The following KRT71 variants were observed in gnomAD, a reference collection of about 807,000 sequenced individuals.
KRT71 encodes keratin, type II cytoskeletal 71.
KRT71 carries 42 observed loss-of-function variants against 46.2 expected under a neutral mutation model. The ratio of observed to expected loss-of-function variants is 0.91; its 90% confidence interval spans 0.71 to 1.18. The LOEUF (loss-of-function observed/expected upper bound fraction) is 1.18. KRT71 is among the 50% of genes most tolerant of loss of function. The pLI is 0.00. For synonymous variants in KRT71, 292 were observed against 277.8 expected, an observed-to-expected ratio of 1.05 and a Z score of -0.51; for missense variants, 708 against 677.9, an observed-to-expected ratio of 1.04 and a Z score of -0.49.
chr12:52,545,013 G>A (rs1939036118), intron 8 of KRT71, among the ~76,000 whole-genome samples: 1 of 152,056 alleles, frequency 6.6e-6, no homozygotes, highest in Non-Finnish European at 1.5e-5. Flanking sequence ...CTGTCCTCCT[G>A]GACACCCACC....
At position 52,551,785 on chromosome 12, in the gene KRT71, T is replaced by C. The variant is rs79733502; in HGVS notation, c.441+852A>G. On this transcript the variant is annotated intron_variant, in intron 1 of 8. Coordinates refer to ENST00000267119, the MANE Select transcript of KRT71 (RefSeq NM_033448.3). ...TTACCTCCATGCCTTCAGTGACTCATACGATAGGGATAATCATTTCTTCTC... is the reference window on the plus strand; with the variant it reads ...TTACCTCCATGCCTTCAGTGACTCACACGATAGGGATAATCATTTCTTCTC... 1.5e-3 allele frequency among the ~76,000 whole-genome samples: 229 copies of C among 152,290 alleles called. 1 individual carries two copies. Among genetic ancestry groups the C allele is most frequent in the African/African-American group, 5.2e-3 (218 of 41,564 alleles).
rs201960634 is a variant in KRT71 at position 52,549,372 on chromosome 12, C to G, written c.657-19G>C. On this transcript the variant is annotated intron_variant, in intron 2 of 8. Coordinates refer to ENST00000267119, the MANE Select transcript of KRT71 (RefSeq NM_033448.3). ...CTCATACCTGTGGGAATGGCGAGGG[C>G]TCATTGGTTAATATCTCACTGAAAG... 146 of 1,604,986 alleles carry G rather than the reference C, an allele frequency of 9.1e-5. No individual in the cohort carries two copies. Among genetic ancestry groups the G allele is most frequent in the Middle Eastern group, 1.6e-4 (1 of 6,062 alleles).
intron 4 of KRT71, 42 bp from the exon 5 acceptor site, chr12:52,548,358 C>G: frequency 6.4e-7 from 1 of 1,569,434 alleles, no homozygotes; most frequent in Admixed American, 1.8e-5. Context: ...CAACTGCTGT[C>G]GGAAGCCAAC....
rs140706935 is a variant in KRT71, at chr12:52,546,413, C to T, written c.1198G>A (p.Ala400Thr). The T allele has an allele frequency of 1.9e-4, 300 of 1,614,088 alleles. 1 individual carries two copies. The highest frequency in any genetic ancestry group is 1.1e-4 in the Non-Finnish European group (125 of 1,180,046). The change falls in exon 7 of 9, where the codon GCC (alanine) becomes ACC (threonine). Residue 400 changes from alanine (A) to threonine (T), a missense_variant. Coordinates refer to ENST00000267119, the MANE Select transcript of KRT71 (RefSeq NM_033448.3). ...AGCTCCTCCTTGGCCTGGTGCAGGG[C>T]GCCCTCCAGCTCGTCCAGCTTGGCC... ...ARAKLDELEGALHQAKEELAR... is the reference protein window; with the variant it reads ...ARAKLDELEGTLHQAKEELAR...
Position 52,552,851 on chromosome 12 carries a change from G to T in KRT71, c.227C>A (p.Ala76Asp). Reference protein sequence around the residue: ...SGGYGFGRGRASGFAGSMFGS... With the variant: ...SGGYGFGRGRDSGFAGSMFGS... ...AAACATGCTTCCAGCAAAGCCACTG[G>T]CCCGGCCCCGGCCAAATCCATAGCC... The change falls in exon 1 of 9, where the codon GCC (alanine) becomes GAC (aspartate). Residue 76 changes from alanine to aspartate, a missense_variant. Transcript: ENST00000267119. 3 of 1,614,202 alleles carry T rather than the reference G, an allele frequency of 1.9e-6. No homozygotes were observed. Among genetic ancestry groups the T allele is most frequent in the South Asian group, 2.2e-5 (2 of 91,088 alleles).
chr12:52,550,331 C>A, intron 1 of KRT71, 88 bp from the exon 2 acceptor site: 2 of 1,476,552 alleles, frequency 1.4e-6, no homozygotes, highest in South Asian at 2.5e-5. Flanking sequence ...CTTCTATCTG[C>A]ATTTTCTCCT....
chr12:52,549,083 A>G (rs923063550), intron 3 of KRT71, among the ~76,000 whole-genome samples: 1 of 152,126 alleles, frequency 6.6e-6, no homozygotes, highest in Non-Finnish European at 1.5e-5. Context: ...CCACAGCTGC[A>G]TTGGACATGC....
rs1442392796 is a variant in KRT71, at chr12:52,549,370, G to A, written c.657-17C>T. ...TCCTCATACCTGTGGGAATGGCGAG[G>A]GCTCATTGGTTAATATCTCACTGAA... On this transcript the variant is annotated splice_polypyrimidine_tract_variant and intron_variant, in intron 2 of 8. Coordinates refer to ENST00000267119, the MANE Select transcript of KRT71 (RefSeq NM_033448.3). 1.2e-6 allele frequency: 2 copies of A among 1,607,354 alleles called. No homozygotes were observed. The highest frequency in any genetic ancestry group is 1.7e-6 in the Non-Finnish European group (2 of 1,173,982).
Position 52,552,721 on chromosome 12 carries a change from C to T in KRT71, c.357G>A (p.Leu119=), listed in dbSNP as rs780908018. 1.6e-5 allele frequency: 26 copies of T among 1,613,976 alleles called. No individual in the cohort carries two copies. Among genetic ancestry groups the T allele is most frequent in the Non-Finnish European group, 2.2e-5 (26 of 1,179,932 alleles). ...CACGCACTTTCTGGATCTCGGGGTC[C>T]AGCTCCACGTTGAGGGGGGCCAGGA... is the stretch of plus-strand genomic sequence containing the variant. ...ESLLAPLNVE[L]DPEIQKVRAQ... Residue 119 remains leucine, a synonymous_variant, in exon 1 of 9, where the codon CTG becomes CTA. Coordinates refer to ENST00000267119, the MANE Select transcript of KRT71 (RefSeq NM_033448.3).
In KRT71 at chr12:52,546,487, G is replaced by T. The variant is rs760222468; in HGVS notation, c.1124C>A (p.Ala375Asp). The change falls in exon 7 of 9, where the codon GCC (alanine) becomes GAC (aspartate). Residue 375 changes from alanine (A) to aspartate (D), a missense_variant. By Grantham distance (126) the Ala-to-Asp change is moderately radical. Transcript: ENST00000267119. Reference protein sequence around the residue: ...VKKQASNLETAIADAEQRGDN... With the variant: ...VKKQASNLETDIADAEQRGDN... ...TCCCCGCTGCTCAGCATCAGCGATG[G>T]CTGTCTCCAGGTTGGAAGCCTAAGG... The T allele has an allele frequency of 6.2e-7, 1 of 1,614,052 alleles. No individual in the cohort carries two copies. The highest frequency in any genetic ancestry group is 2.2e-5 in the East Asian group (1 of 44,882).
In KRT71 at chr12:52,544,697, G is replaced by C. The variant is rs1179481960; in HGVS notation, c.1407C>G (p.Pro469=). The change falls in exon 9 of 9, where the codon CCC becomes CCG. Residue 469 remains proline (P), a synonymous_variant. Coordinates refer to ENST00000267119, the MANE Select transcript of KRT71 (RefSeq NM_033448.3). ...TSGGSVYGFR[P]SMVSGGYVAN... is the part of the protein sequence containing the mutation. The stretch of plus-strand genomic sequence containing the variant: ...CCACATAGCCACCGCTGACCATGCT[G>C]GGCCGGAAGCCATAGACACTGCCGC... 6.2e-7 allele frequency: 1 copy of C among 1,613,104 alleles called. No homozygotes were observed. The highest frequency in any genetic ancestry group is 1.7e-5 in the Admixed American group (1 of 60,014).
chr12:52,549,028 G>A (rs1303796853), intron 3 of KRT71, among the ~76,000 whole-genome samples: 2 of 152,210 alleles, frequency 1.3e-5, no homozygotes, highest in South Asian at 2.1e-4. Context: ...GGGGCTGCAG[G>A]GGAGCCCCTC....
At position 52,547,905 on chromosome 12, in the gene KRT71, A is replaced by G. The variant is rs577316754; in HGVS notation, c.1056T>C (p.Thr352=). The change falls in exon 6 of 9, where the codon ACT becomes ACC. Residue 352 remains threonine (T), a synonymous_variant. Coordinates refer to ENST00000267119, the MANE Select transcript of KRT71 (RefSeq NM_033448.3). ...KNTKNEISEL[T]RLIQRIRSEI... Reference sequence around the variant, plus strand: ...CTGAGCGGATTCTCTGGATGAGCCGAGTGAGCTCCGAGATTTCATTCTTGG... The same window carrying G: ...CTGAGCGGATTCTCTGGATGAGCCGGGTGAGCTCCGAGATTTCATTCTTGG... The G allele has an allele frequency of 6.8e-6, 11 of 1,614,104 alleles. No homozygotes were observed. Among genetic ancestry groups the G allele is most frequent in the African/African-American group, 1.3e-5 (1 of 75,006 alleles).
chr12:52,545,924 G>A (rs1357221762), intron 7 of KRT71, among the ~76,000 whole-genome samples: 6 of 152,034 alleles, frequency 3.9e-5, no homozygotes, highest in Admixed American at 2.0e-4. Flanking sequence ...TGGCTGCCCC[G>A]GCACACCCCC....
rs681387 is a variant in KRT71 at position 52,552,562 on chromosome 12, C to G, written c.441+75G>C. On this transcript the variant is annotated intron_variant, in intron 1 of 8. Transcript: ENST00000267119. ...TCACATCTAACCTCAATCTCTCCTG[C>G]TGTAACAAAATCGTATGTTCCAAGA... The G allele has an allele frequency of 0.4, 570,767 of 1,442,842 alleles. 117,261 individuals are homozygous for G. The highest frequency in any genetic ancestry group is 0.62 in the African/African-American group (43,429 of 70,050). 89.4% of individuals were successfully genotyped at this position (1,442,842 alleles called of 1,614,324 possible). A position where few individuals can be genotyped will look rare whatever the true frequency, so the allele number is the denominator to read the frequency against.
chr12:52,546,653 T>A, intron 6 of KRT71, 147 bp from the exon 7 acceptor site: 1 of 770,592 alleles, frequency 1.3e-6, no homozygotes, highest in Non-Finnish European at 2.0e-6. Context: ...GAGCCCCTTC[T>A]GGGGCTGGCA....
Position 52,548,344 on chromosome 12 carries a change from G to A in KRT71, c.814-28C>T, listed in dbSNP as rs377581228. 1.1e-4 allele frequency: 180 copies of A among 1,583,610 alleles called. No homozygotes were observed. In the African/African-American group the frequency reaches 1.3e-3, roughly 11 times the overall value. On this transcript the variant is annotated intron_variant, in intron 4 of 8. Transcript: ENST00000267119. ...GCAGGGGACACAGAAATGGTCTCTCGGCTCAACTGCTGTCGGAAGCCAACC... is the reference window on the plus strand; with the variant it reads ...GCAGGGGACACAGAAATGGTCTCTCAGCTCAACTGCTGTCGGAAGCCAACC...
At chr12:52,548,421 G>A in intron 4 of KRT71, 105 bp from the exon 5 acceptor site, 1 of 1,330,910 alleles carries the variant, frequency 7.5e-7, no homozygotes. Context: ...TTGGAGGCTG[G>A]AACCCAAGGC....
intron 1 of KRT71, among the ~76,000 whole-genome samples, chr12:52,551,593 C>T (rs1482286127): frequency 6.6e-6 from 1 of 152,198 alleles, no homozygotes; most frequent in Non-Finnish European, 1.5e-5. Flanking sequence ...CTCTGATGGC[C>T]ACATGACCGT....
Sources: gnomAD v4.1 joint callset for allele counts (sites outside exome capture counted in the v4.1 genomes callset) on GRCh38, gnomAD v4.1.1 for gene constraint, MANE v1.5 for transcripts, NCBI Gene and HGNC (gene_info 2026-07-23, HGNC 2026-07-21) for gene names.